Variants in NUP54 observed in about 807,000 individuals in gnomAD.
NUP54 encodes the protein nucleoporin p54.
In NUP54, 27 loss-of-function variants were observed where a neutral mutation model predicts 66.4. That is an observed-to-expected ratio of 0.41 (90% confidence interval 0.30 to 0.56). The LOEUF is 0.56. NUP54 is among the 20% of genes least tolerant of loss of function. The pLI is 0.34. For missense variants in NUP54, 486 were observed against 596.3 expected, an observed-to-expected ratio of 0.82 and a Z score of 1.93; for synonymous variants, 206 against 210.7, an observed-to-expected ratio of 0.98 and a Z score of 0.19.
intron 8 of NUP54, among the ~76,000 whole-genome samples, chr4:76,125,672 G>A: frequency 2.9e-5 from 1 of 34,710 alleles, no homozygotes; most frequent in Non-Finnish European, 5.6e-5. Context: ...GGGGGAGAGA[G>A]GGAGAGAGGG....
chr4:76,133,754 A>G (rs1455555117), intron 5 of NUP54, among the ~76,000 whole-genome samples: 1 of 152,218 alleles, frequency 6.6e-6, no homozygotes, highest in Non-Finnish European at 1.5e-5. Context: ...CATCTCATTA[A>G]TAATCATTCC....
chr4:76,134,355 C>A lies in NUP54; in HGVS notation c.530G>T (p.Gly177Val). ...ENPFCRFKAV[G>V]YSCMPSNKDE... is the part of the protein sequence containing the mutation. ...TTTATTACTGGGCATGCAACTATAA[C>A]CTACTGCCTGTGGAATGACAAAATA... Residue 177 changes from glycine to valine, a missense_variant, in exon 5 of 12, where the codon GGT becomes GTT. Coordinates refer to ENST00000264883, the MANE Select transcript of NUP54 (RefSeq NM_017426.4). 2 of 1,611,396 alleles carry A rather than the reference C, an allele frequency of 1.2e-6. No homozygotes were observed. The highest frequency in any genetic ancestry group is 1.7e-6 in the Non-Finnish European group (2 of 1,178,876).
chr4:76,126,853 A>G (rs1393578456), intron 8 of NUP54, among the ~76,000 whole-genome samples: 1 of 152,212 alleles, frequency 6.6e-6, no homozygotes, highest in Non-Finnish European at 1.5e-5. Flanking sequence ...TAATTCTAGC[A>G]TTCTGACAAA....
In NUP54 at chr4:76,118,354, G is replaced by C. The variant is rs1578662280; in HGVS notation, c.1165-160C>G. The stretch of plus-strand genomic sequence containing the variant: ...ATTATGTTTCTGTCCATTTTAACTA[G>C]GCAAAAGTTATCATATAAATACAAT... On this transcript the variant is annotated intron_variant, in intron 9 of 11. Transcript: ENST00000264883. The C allele has an allele frequency of 1.5e-5, 10 of 645,242 alleles. No homozygotes were observed. The East Asian group carries it at 2.5e-4, about 16-fold the overall frequency. 40.0% of individuals were successfully genotyped at this position (645,242 alleles called of 1,614,324 possible). A position where few individuals can be genotyped will look rare whatever the true frequency, so the allele number is the denominator to read the frequency against.
intron 9 of NUP54, 62 bp downstream of exon 9, chr4:76,124,587 T>G (rs527657836): frequency 4.5e-6 from 2 of 448,182 alleles, no homozygotes; most frequent in Non-Finnish European, 7.9e-6. Context: ...AAATCTATAT[T>G]TAGTACATTA....
chr4:76,133,602 C>T (rs376681679), intron 5 of NUP54, among the ~76,000 whole-genome samples: 3 of 152,052 alleles, frequency 2.0e-5, no homozygotes, highest in Non-Finnish European at 2.9e-5. Context: ...CCACCGTGCC[C>T]GGCCAATAAG....
chr4:76,142,874 T>A (rs1306492244), intron 3 of NUP54, among the ~76,000 whole-genome samples: 2 of 152,146 alleles, frequency 1.3e-5, no homozygotes, highest in Non-Finnish European at 2.9e-5. Flanking sequence ...AAATTGGTCA[T>A]CTTTGGAGAA....
Position 76,118,747 on chromosome 4 carries a change from G to A in NUP54, c.1165-553C>T, listed in dbSNP as rs190165200. ...TGGCCGGGCGCGGTGGCTCACACCT[G>A]TAATCCCAGCACTTTGGGAGGACAA... is the stretch of plus-strand genomic sequence containing the variant. On this transcript the variant is annotated intron_variant, in intron 9 of 11. Transcript: ENST00000264883. Among the ~76,000 whole-genome samples the A allele has an allele frequency of 3.4e-4, 51 of 151,796 alleles. No individual in the cohort carries two copies. The East Asian group carries it at 1.0e-2, about 30-fold the overall frequency.
chr4:76,135,742 G>A (rs536035318), intron 4 of NUP54, among the ~76,000 whole-genome samples: 23 of 152,330 alleles, frequency 1.5e-4, no homozygotes, highest in African/African-American at 5.5e-4. Context: ...CAAATGAGAA[G>A]GTTGTTTGGT....
intron 1 of NUP54, chr4:76,147,686 A>G: frequency 1.6e-6 from 2 of 1,245,098 alleles, no homozygotes; most frequent in South Asian, 1.3e-5. Context: ...AAAGGGGGAG[A>G]GGGAAAAAGA....
At position 76,133,953 on chromosome 4, in the gene NUP54, T is replaced by C. The variant is rs957465582; in HGVS notation, c.710+222A>G. Reference sequence around the variant, plus strand: ...ACAAATGGTCCCTTCCTGGCCTGAATGAAAATCTAGAAAATTATTAGCATC... The same window carrying C: ...ACAAATGGTCCCTTCCTGGCCTGAACGAAAATCTAGAAAATTATTAGCATC... On this transcript the variant is annotated intron_variant, in intron 5 of 11. Coordinates refer to ENST00000264883, the MANE Select transcript of NUP54 (RefSeq NM_017426.4). Among the ~76,000 whole-genome samples the C allele has an allele frequency of 3.3e-5, 5 of 152,148 alleles. No individual in the cohort carries two copies. In the East Asian group the frequency reaches 9.6e-4, roughly 29 times the overall value.
At chr4:76,121,139 G>A (rs544989237) in intron 9 of NUP54, among the ~76,000 whole-genome samples, 1 of 152,204 alleles carries the variant, frequency 6.6e-6, no homozygotes, top group African/African-American at 2.4e-5. Flanking sequence ...TTTATACAAT[G>A]CAATGGTCTA....
chr4:76,146,042 A>T, intron 1 of NUP54: 1 of 424,462 alleles, frequency 2.4e-6, no homozygotes. Flanking sequence ...AATAACTATG[A>T]TATAATCTGA....
intron 5 of NUP54, among the ~76,000 whole-genome samples, chr4:76,133,425 C>T (rs1473696782): frequency 6.6e-6 from 1 of 151,978 alleles, no homozygotes; most frequent in Non-Finnish European, 1.5e-5. Flanking sequence ...CCTGCCTCAG[C>T]CTCCCTCGTA....
At chr4:76,134,131 GAAAT>G (rs1730929820) in intron 5 of NUP54, 40 bp downstream of exon 5, 1 of 1,418,232 alleles carries the variant, frequency 7.1e-7, no homozygotes, top group Non-Finnish European at 9.7e-7. Flanking sequence ...CTTAGGACCA[GAAAT>G]AAATACACAG....
At chr4:76,143,467 G>A (rs907957375) in intron 3 of NUP54, among the ~76,000 whole-genome samples, 2 of 152,174 alleles carry the variant, frequency 1.3e-5, no homozygotes, top group Non-Finnish European at 2.9e-5. Context: ...AGCTGGGCGT[G>A]GTGGTGTGCG....
chr4:76,116,595 A>G (rs1729961290), intron 11 of NUP54, among the ~76,000 whole-genome samples: 1 of 152,194 alleles, frequency 6.6e-6, no homozygotes, highest in Admixed American at 6.6e-5. Context: ...ACCTCAACCT[A>G]CCTCCATCCA....
chr4:76,132,853 A>T, intron 5 of NUP54, 134 bp from the exon 6 acceptor site: 2 of 682,728 alleles, frequency 2.9e-6, no homozygotes, highest in Non-Finnish European at 4.7e-6. Flanking sequence ...GGCAATTAAA[A>T]TGTTTCCTTT....
At position 76,118,583 on chromosome 4, in the gene NUP54, G is replaced by GGC. The variant is rs1553941253; in HGVS notation, c.1165-390_1165-389insGC. ...TTTTTTGTGGCGGGGTGGGGGGGGG[G>GGC]GTCTCACTATGTGGCCCAGGCTGGT... On this transcript the variant is annotated intron_variant, in intron 9 of 11. Coordinates refer to ENST00000264883, the MANE Select transcript of NUP54 (RefSeq NM_017426.4). 3 of 93,288 alleles carry GGC rather than the reference G, an allele frequency of 3.2e-5. 1 individual carries two copies. The highest frequency in any genetic ancestry group is 1.4e-4 in the African/African-American group (3 of 20,902). The allele number at this position is 93,288 out of a possible 1,614,324, so 5.8% of individuals were successfully genotyped here.
Sources: gnomAD v4.1 joint callset for allele counts (sites outside exome capture counted in the v4.1 genomes callset) on GRCh38, gnomAD v4.1.1 for gene constraint, MANE v1.5 for transcripts, NCBI Gene and HGNC (gene_info 2026-07-23, HGNC 2026-07-21) for gene names.